Variants in STARD13 observed in about 807,000 individuals in gnomAD.
STARD13 encodes stAR-related lipid transfer protein 13.
A neutral mutation model predicts 106.4 loss-of-function variants in STARD13; 62 were observed. The ratio of observed to expected loss-of-function variants is 0.58; its 90% CI spans 0.48 to 0.72. The LOEUF (loss-of-function observed/expected upper bound fraction) is 0.72. Ranked by LOEUF, STARD13 falls within the 30% of genes least tolerant of loss-of-function variation. STARD13 has a pLI of 0.00. For missense variants in STARD13, 1,387 were observed against 1,424.0 expected, an observed-to-expected ratio of 0.97 and a Z score of 0.42; for synonymous variants, 565 against 553.0, an observed-to-expected ratio of 1.02 and a Z score of -0.31.
intron 3 of STARD13, among the ~76,000 whole-genome samples, chr13:33,144,566 A>G (rs962065454): frequency 6.6e-6 from 1 of 152,166 alleles, no homozygotes; most frequent in Non-Finnish European, 1.5e-5. Flanking sequence ...ACCACCTCCA[A>G]TGTACCCTCT....
intron 1 of STARD13, among the ~76,000 whole-genome samples, chr13:33,323,792 C>A (rs1594263095): frequency 6.6e-6 from 1 of 152,186 alleles, no homozygotes; most frequent in Non-Finnish European, 1.5e-5. Context: ...CAAAATGGCT[C>A]AGGTAAGAAA....
chr13:33,432,780 G>A, the STARD13 span, among the ~76,000 whole-genome samples: 2 of 151,988 alleles, frequency 1.3e-5, no homozygotes, highest in Non-Finnish European at 2.9e-5. Flanking sequence ...ACACAGATTT[G>A]CATTAATCTC....
the STARD13 span, among the ~76,000 whole-genome samples, chr13:33,417,676 T>C: frequency 3.3e-5 from 5 of 152,100 alleles, no homozygotes; most frequent in African/African-American, 1.2e-4. Flanking sequence ...AAAGACCACA[T>C]ACTGTACGAT....
At chr13:33,523,848 C>T in the STARD13 span, among the ~76,000 whole-genome samples, 2 of 152,010 alleles carry the variant, frequency 1.3e-5, no homozygotes, top group Non-Finnish European at 2.9e-5. Context: ...TCTGGATCTC[C>T]GAACAGTGGG....
At chr13:33,572,794 T>G in the STARD13 span, among the ~76,000 whole-genome samples, 1 of 152,094 alleles carries the variant, frequency 6.6e-6, no homozygotes, top group Non-Finnish European at 1.5e-5. Flanking sequence ...AAGAATTAAG[T>G]GATGTATAGG....
the STARD13 span, among the ~76,000 whole-genome samples, chr13:33,675,089 C>T: frequency 3.4e-4 from 52 of 152,294 alleles, 1 homozygote; most frequent in African/African-American, 1.2e-3. Flanking sequence ...CTTCACCTTT[C>T]GGCTAGAGCC....
chr13:33,651,410 G>T, the STARD13 span, among the ~76,000 whole-genome samples: 1 of 152,146 alleles, frequency 6.6e-6, no homozygotes, highest in Non-Finnish European at 1.5e-5. Flanking sequence ...AAACTAGCGT[G>T]ATCATCATTC....
chr13:33,301,860 G>T (rs577793548), intron 1 of STARD13, among the ~76,000 whole-genome samples: 3 of 139,484 alleles, frequency 2.2e-5, no homozygotes, highest in Non-Finnish European at 3.2e-5. Flanking sequence ...GAGCCACCGC[G>T]CCCGGCCTCC....
the STARD13 span, among the ~76,000 whole-genome samples, chr13:33,620,488 G>A: frequency 2.0e-5 from 3 of 151,732 alleles, no homozygotes; most frequent in African/African-American, 7.2e-5. Context: ...TCACCTTGTT[G>A]GTCAGGCTAG....
intron 1 of STARD13, among the ~76,000 whole-genome samples, chr13:33,311,131 A>G (rs1893121445): frequency 8.0e-6 from 1 of 125,654 alleles, no homozygotes; most frequent in Admixed American, 7.7e-5. Flanking sequence ...CCATTTCTTA[A>G]AAAAAAAAAA....
chr13:33,376,067 T>C, the STARD13 span, among the ~76,000 whole-genome samples: 1 of 152,150 alleles, frequency 6.6e-6, no homozygotes, highest in African/African-American at 2.4e-5. Context: ...TACTTAAGTA[T>C]GGTTTGACCA....
chr13:33,594,486 A>T, the STARD13 span, among the ~76,000 whole-genome samples: 15 of 152,184 alleles, frequency 9.9e-5, no homozygotes, highest in Admixed American at 7.8e-4. Context: ...GTTACTTTTT[A>T]AAATTATTTA....
chr13:33,109,820 G>C, intron 12 of STARD13, 53 bp downstream of exon 12: 18 of 1,567,488 alleles, frequency 1.1e-5, no homozygotes, highest in Non-Finnish European at 1.6e-5. Flanking sequence ...CACATCTACA[G>C]TTCGCGTCCT....
the STARD13 span, among the ~76,000 whole-genome samples, chr13:33,463,644 T>C: frequency 6.6e-6 from 1 of 152,110 alleles, no homozygotes; most frequent in East Asian, 1.9e-4. Context: ...GGTAACATAG[T>C]TGGAGGTCTG....
chr13:33,143,506 A>G (rs1209417265), intron 3 of STARD13, among the ~76,000 whole-genome samples: 2 of 152,150 alleles, frequency 1.3e-5, no homozygotes, highest in African/African-American at 4.8e-5. Flanking sequence ...TGGGTTACCT[A>G]TTCTCTTGCT....
chr13:33,429,397 C>A, the STARD13 span, among the ~76,000 whole-genome samples: 1 of 152,084 alleles, frequency 6.6e-6, no homozygotes, highest in Non-Finnish European at 1.5e-5. Flanking sequence ...CAGATTGAGA[C>A]CATCCTGGCT....
the STARD13 span, among the ~76,000 whole-genome samples, chr13:33,385,484 A>T: frequency 2.1e-3 from 314 of 149,208 alleles, no homozygotes; most frequent in Non-Finnish European, 3.5e-3. Flanking sequence ...AAAAAAAAAA[A>T]AAAAAAATGA....
chr13:33,220,213 C>T (rs1329705166), intron 1 of STARD13, among the ~76,000 whole-genome samples: 1 of 151,998 alleles, frequency 6.6e-6, no homozygotes, highest in African/African-American at 2.4e-5. Context: ...ATATAGCAAA[C>T]TGAATGGCTA....
chr13:33,151,150 A>C (rs1881220970), intron 3 of STARD13, among the ~76,000 whole-genome samples: 2 of 152,152 alleles, frequency 1.3e-5, no homozygotes, highest in African/African-American at 4.8e-5. Flanking sequence ...AAAAATAGGC[A>C]CAAAATAGCA....
Sources: gnomAD v4.1 joint callset for allele counts (sites outside exome capture counted in the v4.1 genomes callset) on GRCh38, gnomAD v4.1.1 for gene constraint, MANE v1.5 for transcripts, NCBI Gene and HGNC (gene_info 2026-07-23, HGNC 2026-07-21) for gene names.